The following DGKH variants were observed in gnomAD, a reference collection of about 807,000 sequenced individuals.
DGKH encodes the protein DAG kinase eta.
DGKH carries 90 observed loss-of-function variants against 159.3 expected under a neutral mutation model. That is an observed-to-expected ratio of 0.57 (90% CI 0.48 to 0.67). The LOEUF (loss-of-function observed/expected upper bound fraction) is 0.67. Among genes scored for constraint, DGKH ranks in the 30% least tolerant of loss-of-function variants. The pLI is 0.00. For missense variants in DGKH, 1,181 were observed against 1,506.1 expected, an observed-to-expected ratio of 0.78 and a Z score of 3.57; for synonymous variants, 536 against 553.8, an observed-to-expected ratio of 0.97 and a Z score of 0.45.
intron 3 of DGKH, among the ~76,000 whole-genome samples, chr13:42,152,916 G>T (rs1490288971): frequency 6.6e-6 from 1 of 152,100 alleles, no homozygotes; most frequent in Non-Finnish European, 1.5e-5. Context: ...GTGCTTTTGG[G>T]CTCCAGCCCC....
At chr13:42,059,905 C>CTTT (rs11357293) in intron 1 of DGKH, among the ~76,000 whole-genome samples, 79 of 139,822 alleles carry the variant, frequency 5.7e-4, no homozygotes, top group African/African-American at 1.2e-3. Flanking sequence ...TCTCTTTTTT[C>CTTT]TTTTTTTTTT....
chr13:42,056,373 C>G (rs760282101), intron 1 of DGKH, among the ~76,000 whole-genome samples: 2 of 152,104 alleles, frequency 1.3e-5, no homozygotes, highest in Non-Finnish European at 2.9e-5. Context: ...GACCTTCTCA[C>G]TGTGTCATTT....
downstream of DGKH, among the ~76,000 whole-genome samples, chr13:42,244,903 C>CAAAAAAAA (rs57184890): frequency 1.4e-3 from 59 of 42,970 alleles, 1 homozygote; most frequent in African/African-American, 3.7e-3. Context: ...GACTCCGTCT[C>CAAAAAAAA]AAAAAAAAAA....
At chr13:42,145,073 T>G (rs965256) in intron 3 of DGKH, among the ~76,000 whole-genome samples, 55,265 of 152,046 alleles carry the variant, frequency 0.36, 10,961 homozygotes, top group South Asian at 0.45. Context: ...TTGCATTTTA[T>G]TCTTACGTAA....
intron 3 of DGKH, chr13:42,137,967 G>A (rs1594077208): frequency 1.4e-5 from 6 of 417,456 alleles, no homozygotes; most frequent in Non-Finnish European, 1.9e-5. Context: ...AATAATTCAA[G>A]CTCAGTATAA....
chr13:42,102,716 A>T (rs1302069973), intron 1 of DGKH, among the ~76,000 whole-genome samples: 1 of 152,220 alleles, frequency 6.6e-6, no homozygotes, highest in Non-Finnish European at 1.5e-5. Context: ...TGGGGCCTGG[A>T]CGTTTTCCCT....
chr13:42,083,649 C>T (rs1200476383), intron 1 of DGKH, among the ~76,000 whole-genome samples: 1 of 152,134 alleles, frequency 6.6e-6, no homozygotes, highest in Non-Finnish European at 1.5e-5. Context: ...TCTGTGGCTT[C>T]CCTGAGCAAC....
intron 1 of DGKH, among the ~76,000 whole-genome samples, chr13:42,088,252 C>A (rs117086580): frequency 0.024 from 3,663 of 152,148 alleles, 56 homozygotes; most frequent in Admixed American, 0.034. Flanking sequence ...GAGACCTTCA[C>A]TGGAAGAAAT....
rs1226964375 is a variant in DGKH, at chr13:42,142,328, G to A, written c.384+12696G>A. 1.8e-3 allele frequency among the ~76,000 whole-genome samples: 279 copies of A among 151,892 alleles called. 4 individuals carry two copies. In the East Asian group the frequency reaches 0.043, roughly 23 times the overall value. On this transcript the variant is annotated intron_variant, in intron 3 of 29. Transcript: ENST00000337343. ...GTAGTATAGTTTGAAGTCAGGTAGCGTGATGCCTCCAGCTTTGTTCTTTTG... is the reference window on the plus strand; with the variant it reads ...GTAGTATAGTTTGAAGTCAGGTAGCATGATGCCTCCAGCTTTGTTCTTTTG...
At chr13:42,155,939 A>AG in intron 5 of DGKH, 140 bp downstream of exon 5, 1 of 1,014,590 alleles carries the variant, frequency 9.9e-7, no homozygotes, top group Non-Finnish European at 1.4e-6. Flanking sequence ...GGAAAAAAAA[A>AG]CATAGTCATT....
chr13:42,118,047 CT>C (rs1954995873), intron 1 of DGKH, among the ~76,000 whole-genome samples: 1 of 152,164 alleles, frequency 6.6e-6, no homozygotes, highest in South Asian at 2.1e-4. Flanking sequence ...GAAACCCCGT[CT>C]CTACCAAAAA....
chr13:42,101,397 A>G (rs1180326829), intron 1 of DGKH, among the ~76,000 whole-genome samples: 2 of 152,252 alleles, frequency 1.3e-5, no homozygotes, highest in Non-Finnish European at 2.9e-5. Flanking sequence ...TACAGTAGCC[A>G]CTAGCTACAT....
chr13:42,216,557 G>A (rs547181817), intron 26 of DGKH: 2 of 152,332 alleles, frequency 1.3e-5, no homozygotes, highest in East Asian at 1.9e-4. Context: ...CCACAGCCTT[G>A]CTATTAAGTG....
chr13:42,207,714 T>TATATATA (rs1594209893), intron 21 of DGKH, among the ~76,000 whole-genome samples: 1 of 147,716 alleles, frequency 6.8e-6, no homozygotes, highest in Non-Finnish European at 1.5e-5. Flanking sequence ...TATATATATA[T>TATATATA]ATCAGTAAAA....
intron 18 of DGKH, 71 bp from the exon 19 acceptor site, chr13:42,199,495 C>A: frequency 1.8e-6 from 2 of 1,100,952 alleles, no homozygotes; most frequent in South Asian, 1.6e-5. Flanking sequence ...TAAGTACTAT[C>A]TTGTGTACAA....
At chr13:42,222,768 A>G (rs1958013790) in intron 29 of DGKH, among the ~76,000 whole-genome samples, 1 of 152,178 alleles carries the variant, frequency 6.6e-6, no homozygotes, top group Admixed American at 6.5e-5. Flanking sequence ...CATTCAGGGA[A>G]AAGACTGTGT....
At chr13:42,054,607 T>G (rs758660070) in intron 1 of DGKH, among the ~76,000 whole-genome samples, 1 of 152,210 alleles carries the variant, frequency 6.6e-6, no homozygotes, top group Admixed American at 6.5e-5. Flanking sequence ...TGGGGAGAAC[T>G]GGATAACTCC....
chr13:42,073,120 A>G (rs1883082234), intron 1 of DGKH, among the ~76,000 whole-genome samples: 1 of 152,198 alleles, frequency 6.6e-6, no homozygotes, highest in South Asian at 2.1e-4. Flanking sequence ...AAATTCTTTT[A>G]TATATTTTAG....
chr13:42,071,048 G>T, intron 1 of DGKH: 2 of 1,224,176 alleles, frequency 1.6e-6, no homozygotes, highest in African/African-American at 1.5e-5. Flanking sequence ...GTAGAATCCA[G>T]ATCAAAACCA....
Sources: gnomAD v4.1 joint callset for allele counts (sites outside exome capture counted in the v4.1 genomes callset) on GRCh38, gnomAD v4.1.1 for gene constraint, MANE v1.5 for transcripts, NCBI Gene and HGNC (gene_info 2026-07-23, HGNC 2026-07-21) for gene names.